Variants in ERC2 observed in about 807,000 individuals in gnomAD.
ERC2 encodes the protein ELKS/RAB6-interacting/CAST family member 2, also known as ERC protein 2.
Under a neutral mutation model 114.8 loss-of-function variants are expected in ERC2, and 42 were observed. That is an observed-to-expected ratio of 0.37 (90% CI 0.29 to 0.47). The LOEUF is 0.47. Ranked by LOEUF, ERC2 falls within the 20% of genes least tolerant of loss-of-function variation. The pLI is 0.99. For missense variants in ERC2, 939 were observed against 1,150.7 expected (o/e 0.82, Z 2.66); for synonymous variants, 454 against 425.5 (o/e 1.07, Z -0.82).
intron 1 of ERC2, among the ~76,000 whole-genome samples, chr3:56,465,077 C>T (rs971348893): frequency 3.3e-5 from 5 of 152,150 alleles, no homozygotes; most frequent in Non-Finnish European, 5.9e-5. Context: ...ACTGATAAGG[C>T]TTACATCTTG....
intron 2 of ERC2, among the ~76,000 whole-genome samples, chr3:56,432,349 C>T (rs1034926829): frequency 2.0e-5 from 3 of 152,146 alleles, no homozygotes; most frequent in Middle Eastern, 3.2e-3. Context: ...CATTCCTAAA[C>T]TGCTTTAACC....
intron 14 of ERC2, among the ~76,000 whole-genome samples, chr3:55,872,856 G>A (rs1330788326): frequency 1.3e-5 from 2 of 152,152 alleles, no homozygotes; most frequent in Admixed American, 1.3e-4. Context: ...GAAAGAGCTG[G>A]GCCACAGGTC....
At chr3:56,143,103 C>T (rs983574715) in intron 5 of ERC2, among the ~76,000 whole-genome samples, 1 of 152,110 alleles carries the variant, frequency 6.6e-6, no homozygotes, top group African/African-American at 2.4e-5. Context: ...GTCCCCTAGT[C>T]TAAGTGTGAG....
At chr3:56,179,090 T>A (rs912075640) in intron 3 of ERC2, among the ~76,000 whole-genome samples, 1 of 150,696 alleles carries the variant, frequency 6.6e-6, no homozygotes, top group African/African-American at 2.4e-5. Flanking sequence ...AAAAAACTCA[T>A]AATGTTTTAA....
At chr3:55,836,816 C>A (rs62251598) in intron 14 of ERC2, among the ~76,000 whole-genome samples, 11 of 152,154 alleles carry the variant, frequency 7.2e-5, no homozygotes, top group Non-Finnish European at 1.0e-4. Flanking sequence ...AGTGAACAGG[C>A]AACCTATAAA....
At position 55,562,829 on chromosome 3, in the gene ERC2, T is replaced by TA. The variant is rs1184513449; in HGVS notation, c.*40-51554dup. 5.3e-5 allele frequency among the ~76,000 whole-genome samples: 8 copies of TA among 151,220 alleles called. No individual in the cohort carries two copies. In the South Asian group the frequency reaches 1.3e-3, roughly 24 times the overall value. ...GTGTTTAAATTTTTTTGTTGTTGTT[T>TA]AAAAAAAAAGATCATGATATGATAG... On this transcript the variant is annotated intron_variant, in intron 17 of 17. Coordinates refer to ENST00000288221, the MANE Select transcript of ERC2 (RefSeq NM_015576.3).
chr3:55,743,168 C>A (rs2066074756), intron 14 of ERC2, among the ~76,000 whole-genome samples: 2 of 152,168 alleles, frequency 1.3e-5, no homozygotes, highest in Non-Finnish European at 1.5e-5. Context: ...AACACGGGGG[C>A]CATGGAGTCT....
chr3:55,759,129 C>G (rs2067247464), intron 14 of ERC2, among the ~76,000 whole-genome samples: 8 of 152,258 alleles, frequency 5.3e-5, no homozygotes, highest in Middle Eastern at 6.8e-3. Flanking sequence ...CCCCAGTTTA[C>G]CTATCTGTAA....
intron 12 of ERC2, among the ~76,000 whole-genome samples, chr3:55,983,826 G>A (rs975004460): frequency 2.6e-5 from 4 of 152,068 alleles, no homozygotes; most frequent in African/African-American, 9.7e-5. Context: ...TATCTCAACT[G>A]TATGCCATAT....
At chr3:56,444,528 C>T (rs2062472011) in intron 1 of ERC2, among the ~76,000 whole-genome samples, 1 of 152,142 alleles carries the variant, frequency 6.6e-6, no homozygotes. Flanking sequence ...AATGCTTTCT[C>T]TAATTGCATA....
intron 2 of ERC2, among the ~76,000 whole-genome samples, chr3:56,403,726 GT>G (rs531257380): frequency 5.4e-4 from 82 of 152,248 alleles, no homozygotes; most frequent in African/African-American, 1.8e-3. Flanking sequence ...CTTATCAAAT[GT>G]TCACTCATTC....
chr3:55,731,266 T>G (rs2065238031), intron 15 of ERC2, among the ~76,000 whole-genome samples: 1 of 152,228 alleles, frequency 6.6e-6, no homozygotes, highest in Admixed American at 6.5e-5. Context: ...AGCTCAACAA[T>G]GTGTTCTCAA....
At chr3:55,570,995 G>A (rs920812791) in intron 17 of ERC2, among the ~76,000 whole-genome samples, 10 of 151,916 alleles carry the variant, frequency 6.6e-5, no homozygotes, top group African/African-American at 2.4e-4. Flanking sequence ...GCATGGTTTG[G>A]CGTGCCCCTG....
chr3:55,579,160 T>C (rs2057133686), intron 17 of ERC2, among the ~76,000 whole-genome samples: 2 of 152,240 alleles, frequency 1.3e-5, no homozygotes, highest in Admixed American at 1.3e-4. Context: ...ATAGGAATCC[T>C]GAAAATTGGG....
chr3:55,559,194 C>T (rs746307382), intron 17 of ERC2, among the ~76,000 whole-genome samples: 1 of 152,238 alleles, frequency 6.6e-6, no homozygotes, highest in African/African-American at 2.4e-5. Flanking sequence ...AGATGCCTTT[C>T]TTCCTGACTC....
intron 3 of ERC2, among the ~76,000 whole-genome samples, chr3:56,221,267 G>C (rs116675556): frequency 6.6e-6 from 1 of 151,916 alleles, no homozygotes; most frequent in Non-Finnish European, 1.5e-5. Context: ...ATTAGCAAGT[G>C]TCAATAATGC....
intron 17 of ERC2, among the ~76,000 whole-genome samples, chr3:55,609,440 G>A (rs999712249): frequency 6.6e-6 from 1 of 152,146 alleles, no homozygotes; most frequent in Non-Finnish European, 1.5e-5. Context: ...GCCTAACTGT[G>A]CTTGGAGTGA....
chr3:56,208,607 G>A (rs183479998), intron 3 of ERC2, among the ~76,000 whole-genome samples: 34 of 152,266 alleles, frequency 2.2e-4, no homozygotes, highest in Admixed American at 1.2e-3. Flanking sequence ...TGAAGAAGGG[G>A]GACATTTGTG....
At chr3:56,076,965 A>G (rs1337355802) in intron 7 of ERC2, among the ~76,000 whole-genome samples, 1 of 152,158 alleles carries the variant, frequency 6.6e-6, no homozygotes, top group Non-Finnish European at 1.5e-5. Flanking sequence ...AGGGTTGCGA[A>G]AGAGTCTATG....
Sources: gnomAD v4.1 joint callset for allele counts (sites outside exome capture counted in the v4.1 genomes callset) on GRCh38, gnomAD v4.1.1 for gene constraint, MANE v1.5 for transcripts, NCBI Gene and HGNC (gene_info 2026-07-23, HGNC 2026-07-21) for gene names.